The following USP34 variants were observed in gnomAD, a reference collection of about 807,000 sequenced individuals.
USP34 encodes ubiquitin carboxyl-terminal hydrolase 34.
Under a neutral mutation model 460.3 loss-of-function variants are expected in USP34, and 70 were observed. The ratio of observed to expected loss-of-function variants is 0.15; its 90% CI spans 0.13 to 0.19. The LOEUF (loss-of-function observed/expected upper bound fraction) is 0.19. Ranked by LOEUF, USP34 falls within the 10% of genes least tolerant of loss-of-function variation. The pLI, the probability that USP34 is intolerant of heterozygous loss-of-function variation, is 1.00. For synonymous variants in USP34, 1,647 were observed against 1,405.3 expected, an observed-to-expected ratio of 1.17 and a Z score of -3.85; for missense variants, 3,985 against 4,236.2, an observed-to-expected ratio of 0.94 and a Z score of 1.65.
At chr2:61,239,149 C>T (rs2103852354) in intron 53 of USP34, among the ~76,000 whole-genome samples, 1 of 152,096 alleles carries the variant, frequency 6.6e-6, no homozygotes, top group Admixed American at 6.5e-5. Flanking sequence ...CTCCTCAGGC[C>T]TCCATATTCT....
rs557733715 is a variant in USP34 at position 61,402,207 on chromosome 2, G to A, written c.552+3501C>T. ...AGGTGGGTGGATCGTTTGAGCCCAG[G>A]AATTCAAGGTTATGGTGACCAATGA... On this transcript the variant is annotated intron_variant, in intron 3 of 79. Transcript: ENST00000398571. Among the ~76,000 whole-genome samples, 103 of 152,196 alleles carry A rather than the reference G, an allele frequency of 6.8e-4. 1 individual carries two copies. The highest frequency in any genetic ancestry group is 1.3e-3 in the Non-Finnish European group (88 of 68,014).
intron 27 of USP34, among the ~76,000 whole-genome samples, chr2:61,303,522 A>G (rs941113809): frequency 1.3e-5 from 2 of 152,228 alleles, no homozygotes; most frequent in Non-Finnish European, 2.9e-5. Flanking sequence ...CAAAACCAGA[A>G]GAAAAGTAAA....
chr2:61,230,553 A>G (rs894720872), intron 58 of USP34, among the ~76,000 whole-genome samples: 2 of 151,974 alleles, frequency 1.3e-5, no homozygotes, highest in Non-Finnish European at 2.9e-5. Flanking sequence ...CAACCAAACA[A>G]AAAACACCAG....
chr2:61,273,697 A>T (rs1689286946), intron 41 of USP34, among the ~76,000 whole-genome samples: 1 of 152,248 alleles, frequency 6.6e-6, no homozygotes. Flanking sequence ...CCTGGGTGAC[A>T]GAGTGAGACA....
intron 38 of USP34, 131 bp downstream of exon 38, chr2:61,280,959 T>C: frequency 1.0e-6 from 1 of 970,700 alleles, no homozygotes; most frequent in South Asian, 1.7e-5. Context: ...AGTATATAAC[T>C]ACTATCCTCT....
At chr2:61,341,085 C>T (rs563907362) in intron 16 of USP34, among the ~76,000 whole-genome samples, 7 of 152,244 alleles carry the variant, frequency 4.6e-5, no homozygotes, top group African/African-American at 1.7e-4. Flanking sequence ...ATAAGTAATA[C>T]ACAGTATGTA....
intron 33 of USP34, among the ~76,000 whole-genome samples, chr2:61,291,697 C>T (rs975633662): frequency 6.6e-6 from 1 of 152,082 alleles, no homozygotes. Context: ...AATGTAAATG[C>T]TAGAAATCAC....
At chr2:61,369,952 G>C (rs1208409556) in intron 10 of USP34, among the ~76,000 whole-genome samples, 3 of 143,596 alleles carry the variant, frequency 2.1e-5, no homozygotes, top group African/African-American at 7.7e-5. Context: ...TTTACTTTTG[G>C]AATTTTGAAT....
chr2:61,243,304 G>A lies in USP34; in HGVS notation c.6628-1485C>T, dbSNP rs553522339. Among the ~76,000 whole-genome samples the A allele has an allele frequency of 5.3e-4, 81 of 151,890 alleles. 2 individuals carry two copies. In the East Asian group the frequency reaches 0.015, roughly 29 times the overall value. ...TGGGACTACAGGCACCCGCCACCAC[G>A]CCCGGCTAATTTTTACATTTTTAGT... On this transcript the variant is annotated intron_variant, in intron 51 of 79. Coordinates refer to ENST00000398571, the MANE Select transcript of USP34 (RefSeq NM_014709.4).
intron 56 of USP34, 58 bp from the exon 57 acceptor site, chr2:61,235,968 C>G (rs1006216397): frequency 5.0e-6 from 8 of 1,595,548 alleles, no homozygotes; most frequent in Non-Finnish European, 6.8e-6. Context: ...TAACAAAAAC[C>G]AAAAGATATC....
At chr2:61,447,307 G>T (rs1161320752) in intron 1 of USP34, among the ~76,000 whole-genome samples, 2 of 140,014 alleles carry the variant, frequency 1.4e-5, no homozygotes, top group African/African-American at 2.6e-5. Context: ...TAATTCCACT[G>T]ATCTCATCAG....
In USP34 at chr2:61,341,673, C is replaced by T. The variant is rs116410887; in HGVS notation, c.2501-1992G>A. On this transcript the variant is annotated intron_variant, in intron 16 of 79. Coordinates refer to ENST00000398571, the MANE Select transcript of USP34 (RefSeq NM_014709.4). ...GGCCCTCACCAGAAGCAGATGCTGG[C>T]ACTATGCTTCTTGCACAACCTGCAC... Among the ~76,000 whole-genome samples, 543 of 151,892 alleles carry T rather than the reference C, an allele frequency of 3.6e-3. 2 individuals carry two copies. The highest frequency in any genetic ancestry group is 0.013 in the African/African-American group (528 of 41,380).
chr2:61,263,173 ATTTTTTTT>A (rs36015748), intron 43 of USP34, among the ~76,000 whole-genome samples: 22 of 97,772 alleles, frequency 2.3e-4, no homozygotes, highest in African/African-American at 3.0e-4. Flanking sequence ...CACACATGGA[ATTTTTTTT>A]TTTTTTTTTT....
intron 16 of USP34, among the ~76,000 whole-genome samples, chr2:61,340,048 C>T (rs1053462083): frequency 1.8e-4 from 27 of 152,210 alleles, no homozygotes; most frequent in African/African-American, 6.3e-4. Context: ...TTCCTTTCTA[C>T]AGTCTCTTTG....
Position 61,446,914 on chromosome 2 carries a change from T to C in USP34, c.43+23736A>G, listed in dbSNP as rs12617960. Among the ~76,000 whole-genome samples, 66 of 152,218 alleles carry C rather than the reference T, an allele frequency of 4.3e-4. No homozygotes were observed. In the East Asian group the frequency reaches 0.012, roughly 28 times the overall value. On this transcript the variant is annotated intron_variant, in intron 1 of 79. Transcript: ENST00000398571. ...TGGAAAATATTGGTCCACTAAGTTATGTACATCATCTTTCCAATGTTGACA... is the reference window on the plus strand; with the variant it reads ...TGGAAAATATTGGTCCACTAAGTTACGTACATCATCTTTCCAATGTTGACA...
rs149715604 is a variant in USP34 at position 61,291,867 on chromosome 2, C to T, written c.4548+1597G>A. ...GCTTCTCAATTGGTGAATGGATAAA[C>T]ATGTAATATAATTATAAAAAAATGA... On this transcript the variant is annotated intron_variant, in intron 33 of 79. Coordinates refer to ENST00000398571, the MANE Select transcript of USP34 (RefSeq NM_014709.4). 1.5e-3 allele frequency among the ~76,000 whole-genome samples: 228 copies of T among 152,230 alleles called. 1 individual carries two copies. Among genetic ancestry groups the T allele is most frequent in the Middle Eastern group, 6.8e-3 (2 of 294 alleles).
At chr2:61,262,372 T>C (rs1040535764) in intron 43 of USP34, among the ~76,000 whole-genome samples, 2 of 152,124 alleles carry the variant, frequency 1.3e-5, no homozygotes, top group African/African-American at 2.4e-5. Flanking sequence ...ACAACGTCCA[T>C]TGTTCCTGTG....
intron 75 of USP34, among the ~76,000 whole-genome samples, chr2:61,198,393 G>T (rs1686870291): frequency 1.3e-5 from 2 of 152,086 alleles, no homozygotes; most frequent in South Asian, 2.1e-4. Context: ...CATTTGGGTT[G>T]TTTCCAGTTT....
intron 76 of USP34, among the ~76,000 whole-genome samples, chr2:61,191,887 T>A (rs1025255397): frequency 1.2e-4 from 19 of 152,336 alleles, no homozygotes; most frequent in Middle Eastern, 3.4e-3. Flanking sequence ...AGTCATTTTC[T>A]GAATGCCTAC....
Sources: allele counts gnomAD v4.1 joint callset (sites outside exome capture counted in the v4.1 genomes callset), GRCh38; gene constraint gnomAD v4.1.1; transcripts MANE v1.5; gene names NCBI Gene and HGNC (gene_info 2026-07-23, HGNC 2026-07-21).